The following TRPM8 variants were observed in gnomAD, a reference collection of about 807,000 sequenced individuals.
TRPM8 encodes the protein TRPM8 cationic channel.
A neutral mutation model predicts 133.7 loss-of-function variants in TRPM8; 110 were observed. The ratio of observed to expected loss-of-function variants is 0.82; its 90% CI spans 0.70 to 0.96. TRPM8 has a LOEUF of 0.96. TRPM8 is among the 40% of genes least tolerant of loss of function. TRPM8 has a pLI of 0.00. For missense variants in TRPM8, 1,291 were observed against 1,379.5 expected (o/e 0.94, Z 1.02); for synonymous variants, 535 against 532.3 (o/e 1.01, Z -0.07).
intron 2 of TRPM8, among the ~76,000 whole-genome samples, chr2:233,929,314 G>C (rs931627564): frequency 6.6e-6 from 1 of 152,202 alleles, no homozygotes; most frequent in South Asian, 2.1e-4. Context: ...ATGTTCAAAG[G>C]ATTGGGAAGA....
chr2:233,982,246 G>C (rs1466778497), intron 19 of TRPM8, among the ~76,000 whole-genome samples: 1 of 152,106 alleles, frequency 6.6e-6, no homozygotes, highest in African/African-American at 2.4e-5. Context: ...TTGATACCTG[G>C]GGACAGTTGA....
chr2:234,019,258 C>T lies in TRPM8; in HGVS notation c.*2002C>T, dbSNP rs981590901. 2.1e-4 allele frequency: 32 copies of T among 152,248 alleles called. No individual in the cohort carries two copies. Among genetic ancestry groups the T allele is most frequent in the African/African-American group, 7.7e-4 (32 of 41,554 alleles). The allele number at this position is 152,248 out of a possible 1,614,324, so 9.4% of individuals were successfully genotyped here. On this transcript the variant is annotated 3_prime_UTR_variant, in exon 26 of 26. Transcript: ENST00000324695. ...AGAAAACTTGCCCAATACTGAGAAGCAACTTGCATTAGAGAGGGAACTGTT... is the reference window on the plus strand; with the variant it reads ...AGAAAACTTGCCCAATACTGAGAAGTAACTTGCATTAGAGAGGGAACTGTT...
At chr2:233,952,033 C>T (rs1329611721) in intron 9 of TRPM8, among the ~76,000 whole-genome samples, 2 of 152,134 alleles carry the variant, frequency 1.3e-5, no homozygotes, top group Non-Finnish European at 2.9e-5. Context: ...ATGGTTATTC[C>T]CCCATGCCTA....
intron 19 of TRPM8, among the ~76,000 whole-genome samples, chr2:233,982,650 T>G (rs1329869852): frequency 1.3e-5 from 2 of 152,160 alleles, no homozygotes; most frequent in Non-Finnish European, 2.9e-5. Flanking sequence ...ATAGCTTTTG[T>G]TTTCCAAACA....
At position 233,989,423 on chromosome 2, in the gene TRPM8, T is replaced by G. The variant is rs1692221790; in HGVS notation, c.2939+3558T>G. ...TGACAGCTTGCAACATCCCTGTCCT[T>G]GGGGAACCTCCTCGATTAGCTCCGG... On this transcript the variant is annotated intron_variant, in intron 21 of 25. Coordinates refer to ENST00000324695, the MANE Select transcript of TRPM8 (RefSeq NM_024080.5). This position sits in a 1 kb window ranked among gnomAD's most constrained non-coding sequence, Gnocchi z 4.2. Among the ~76,000 whole-genome samples the G allele has an allele frequency of 6.6e-6, 1 of 152,228 alleles. No homozygotes were observed. Among genetic ancestry groups the G allele is most frequent in the African/African-American group, 2.4e-5 (1 of 41,456 alleles).
Position 233,961,024 on chromosome 2 carries a change from G to A in TRPM8, c.1611G>A (p.Lys537=). 1.2e-6 allele frequency: 2 copies of A among 1,614,170 alleles called. No homozygotes were observed. The highest frequency in any genetic ancestry group is 1.7e-6 in the Non-Finnish European group (2 of 1,180,034). ...LVANFRRGFR[K]EDRNGRDEMD... ...CGAACTTCCGAAGAGGCTTCCGGAA[G>A]GAAGACAGAAATGGCCGGGACGAGA... The change falls in exon 12 of 26, where the codon AAG becomes AAA. Residue 537 remains lysine, a synonymous_variant. Transcript: ENST00000324695.
At position 234,011,325 on chromosome 2, in the gene TRPM8, G is replaced by C. The variant is rs1315503393; in HGVS notation, c.3264+3222G>C. 4.6e-5 allele frequency among the ~76,000 whole-genome samples: 7 copies of C among 152,210 alleles called. No individual in the cohort carries two copies. The East Asian group carries it at 1.4e-3, about 29-fold the overall frequency. On this transcript the variant is annotated intron_variant, in intron 24 of 25. Transcript: ENST00000324695. ...ATTCTATTCCATTGGTCTATAGTCTGTTTTTATGTCAGTACCGTACTGTTT... is the reference window on the plus strand; with the variant it reads ...ATTCTATTCCATTGGTCTATAGTCTCTTTTTATGTCAGTACCGTACTGTTT...
At chr2:233,993,116 T>A (rs539751221) in intron 21 of TRPM8, among the ~76,000 whole-genome samples, 2 of 152,290 alleles carry the variant, frequency 1.3e-5, no homozygotes, top group Admixed American at 1.3e-4. Flanking sequence ...GCCTAGCCAA[T>A]CCTGAATATG....
intron 18 of TRPM8, among the ~76,000 whole-genome samples, chr2:233,980,833 A>G (rs1231094041): frequency 6.6e-6 from 1 of 152,208 alleles, no homozygotes; most frequent in African/African-American, 2.4e-5. Flanking sequence ...CACATCGTAG[A>G]GAGATTAGGG....
At chr2:233,936,935 C>A (rs1224519167) in intron 3 of TRPM8, among the ~76,000 whole-genome samples, 2 of 135,380 alleles carry the variant, frequency 1.5e-5, no homozygotes, top group African/African-American at 2.9e-5. Flanking sequence ...CTTGCTCTGT[C>A]ACCCAGGTTG....
At position 233,939,055 on chromosome 2, in the gene TRPM8, C is replaced by G. The variant is rs776995196; in HGVS notation, c.406C>G (p.His136Asp). ...AATCCTTTACGAGCTGCTGACCCAG[C>G]ACTGGCACCTGAAAACACCCAACCT... Reference protein sequence around the residue: ...AEILYELLTQHWHLKTPNLVI... With the variant: ...AEILYELLTQDWHLKTPNLVI... Residue 136 changes from histidine to aspartate, a missense_variant, in exon 5 of 26, where the codon CAC becomes GAC. His to Asp is a moderately conservative substitution (Grantham distance 81, BLOSUM62 -1). This residue lies in a region of TRPM8 where 963 missense variants were observed against 968.9 expected (regional missense o/e 0.99). Transcript: ENST00000324695. 6.2e-6 allele frequency: 10 copies of G among 1,614,104 alleles called. No individual in the cohort carries two copies. Among genetic ancestry groups the G allele is most frequent in the Non-Finnish European group, 8.5e-6 (10 of 1,180,054 alleles).
chr2:234,006,366 C>T (rs1342776571), intron 22 of TRPM8, among the ~76,000 whole-genome samples: 1 of 152,234 alleles, frequency 6.6e-6, no homozygotes, highest in Non-Finnish European at 1.5e-5. Flanking sequence ...TTGAGGTCCA[C>T]AGCTCATGTT....
At chr2:233,933,434 G>A (rs1022834186) in intron 3 of TRPM8, among the ~76,000 whole-genome samples, 8 of 152,186 alleles carry the variant, frequency 5.3e-5, no homozygotes, top group African/African-American at 1.7e-4. Context: ...ACAGGATTCA[G>A]ATTTGGTCCA....
At position 233,945,851 on chromosome 2, in the gene TRPM8, T is replaced by C. The variant is rs778708589; in HGVS notation, c.700-5T>C. On this transcript the variant is annotated splice_region_variant and splice_polypyrimidine_tract_variant and intron_variant, in intron 6 of 25. Coordinates refer to ENST00000324695, the MANE Select transcript of TRPM8 (RefSeq NM_024080.5). ...CTCAAAGACAAGTTTCCCTGTACTT[T>C]TCAGGGCTATTTTTTAGCCCAGTAC... is the stretch of plus-strand genomic sequence containing the variant. 2 of 1,608,970 alleles carry C rather than the reference T, an allele frequency of 1.2e-6. 1 individual carries two copies. Among genetic ancestry groups the C allele is most frequent in the South Asian group, 2.2e-5 (2 of 90,724 alleles).
chr2:233,943,069 T>A, intron 6 of TRPM8: 21 of 148,118 alleles, frequency 1.4e-4, no homozygotes, highest in East Asian at 2.8e-4. Flanking sequence ...TGCAGTATCT[T>A]TTTTTTTTTT....
At chr2:233,927,854 T>C (rs1466091890) in intron 2 of TRPM8, among the ~76,000 whole-genome samples, 621 of 55,958 alleles carry the variant, frequency 0.011, 88 homozygotes, top group Middle Eastern at 0.027. Context: ...CTTCCTTCCT[T>C]TCTTTCTCTT....
chr2:233,985,816 A>G lies in TRPM8; in HGVS notation c.2890A>G (p.Met964Val). 2 of 1,614,134 alleles carry G rather than the reference A, an allele frequency of 1.2e-6. No homozygotes were observed. Among genetic ancestry groups the G allele is most frequent in the Non-Finnish European group, 1.7e-6 (2 of 1,180,014 alleles). Reference sequence around the variant, plus strand: ...CACCATCCCCCTGGTGTGCATCTACATGTTATCCACCAACATCCTGCTGGT... The same window carrying G: ...CACCATCCCCCTGGTGTGCATCTACGTGTTATCCACCAACATCCTGCTGGT... ...WITIPLVCIY[M>V]LSTNILLVNL... Residue 964 changes from methionine to valine, a missense_variant, in exon 21 of 26, where the codon ATG (methionine) becomes GTG (valine). Transcript: ENST00000324695.
At position 233,989,866 on chromosome 2, in the gene TRPM8, G is replaced by A. The variant is rs62185866; in HGVS notation, c.2939+4001G>A. 2.6e-5 allele frequency among the ~76,000 whole-genome samples: 4 copies of A among 152,174 alleles called. No individual in the cohort carries two copies. Among genetic ancestry groups the A allele is most frequent in the Non-Finnish European group, 4.4e-5 (3 of 68,034 alleles). ...TAAAGTCAGTAAATGACTCCAGGTC[G>A]ACTTACCAGGAGCTAGGGCATTTAT... On this transcript the variant is annotated intron_variant, in intron 21 of 25. Transcript: ENST00000324695. This position sits in a 1 kb window ranked among gnomAD's most constrained non-coding sequence, Gnocchi z 4.2.
intron 22 of TRPM8, among the ~76,000 whole-genome samples, chr2:234,000,485 C>T (rs1692529910): frequency 6.6e-6 from 1 of 152,010 alleles, no homozygotes; most frequent in African/African-American, 2.4e-5. Flanking sequence ...GAAAAGGCTT[C>T]CTTGATATTT....
Sources: allele counts gnomAD v4.1 joint callset (sites outside exome capture counted in the v4.1 genomes callset), GRCh38; gene constraint gnomAD v4.1.1; regional missense constraint gnomAD v4.1.1; non-coding constraint Gnocchi (gnomAD v3.1); transcripts MANE v1.5; gene names NCBI Gene and HGNC (gene_info 2026-07-23, HGNC 2026-07-21).